Variants in APC observed in about 807,000 individuals in gnomAD.
APC encodes the protein APC regulator of Wnt signaling pathway, also known as adenomatous polyposis coli protein.
A neutral mutation model predicts 247.0 loss-of-function variants in APC; 72 were observed. That is an observed-to-expected ratio of 0.29 (90% CI 0.24 to 0.35). The LOEUF (loss-of-function observed/expected upper bound fraction) is 0.35. Ranked by LOEUF, APC falls within the 10% of genes least tolerant of loss-of-function variation. The pLI, the probability that APC is intolerant of heterozygous loss-of-function variation, is 1.00. For missense variants in APC, 3,400 were observed against 3,360.7 expected (o/e 1.01, Z -0.29); for synonymous variants, 1,254 against 1,162.5 (o/e 1.08, Z -1.60).
At chr5:112,719,595 C>T (rs1032911470) in intron 1 of APC, among the ~76,000 whole-genome samples, 5 of 148,576 alleles carry the variant, frequency 3.4e-5, no homozygotes, top group Non-Finnish European at 7.4e-5. Context: ...GCTGGAGTGG[C>T]GTGATCTCCA....
chr5:112,734,225 A>G (rs1752249263), upstream of APC, among the ~76,000 whole-genome samples: 1 of 152,174 alleles, frequency 6.6e-6, no homozygotes, highest in Non-Finnish European at 1.5e-5. Context: ...GTGGATGGAT[A>G]GACAGACAGA....
At chr5:112,778,158 AT>A in intron 5 of APC, 3 of 210,208 alleles carry the variant, frequency 1.4e-5, no homozygotes, top group East Asian at 1.2e-4. Context: ...TTTGTTTCCT[AT>A]TTTTTGCAAT....
At chr5:112,731,316 A>G (rs1305395662) in intron 1 of APC, among the ~76,000 whole-genome samples, 1 of 152,174 alleles carries the variant, frequency 6.6e-6, no homozygotes, top group Non-Finnish European at 1.5e-5. Flanking sequence ...GAGACTGGGT[A>G]ATTTATAATG....
rs1766693791 is a variant in APC at position 112,843,848 on chromosome 5, A to G, written c.8254A>G (p.Asn2752Asp). 6.2e-7 allele frequency: 1 copy of G among 1,614,062 alleles called. No individual in the cohort carries two copies. The change falls in exon 16 of 16, where the codon AAT becomes GAT. Residue 2752 changes from asparagine (N) to aspartate (D), a missense_variant. Physicochemically the swap from Asn to Asp is conservative, Grantham distance 23. Transcript: ENST00000257430. The surrounding 1 kb of genome is among the most constrained non-coding windows in gnomAD (Gnocchi z 4.8). ...TAATCCTGTCCCTGTATCAGAGACT[A>G]ATGAAAGTTCTATAGTGGAACGTAC... ...QNNPVPVSETNESSIVERTPF... is the reference protein window; with the variant it reads ...QNNPVPVSETDESSIVERTPF...
chr5:112,708,554 T>C (rs1750666728), intron 1 of APC, among the ~76,000 whole-genome samples: 1 of 152,354 alleles, frequency 6.6e-6, no homozygotes, highest in East Asian at 1.9e-4. Context: ...GAAACTGTTA[T>C]ATTCGTTTTA....
intron 2 of APC, among the ~76,000 whole-genome samples, chr5:112,758,577 G>C (rs1173105060): frequency 6.6e-6 from 1 of 151,858 alleles, no homozygotes; most frequent in African/African-American, 2.4e-5. Context: ...CACCGCCTCG[G>C]CCTCCCAAAG....
At chr5:112,768,743 G>A (rs1229817267) in intron 4 of APC, among the ~76,000 whole-genome samples, 4 of 150,742 alleles carry the variant, frequency 2.7e-5, no homozygotes, top group Non-Finnish European at 5.9e-5. Context: ...GCCCTGTACA[G>A]TAGCGTAGAA....
chr5:112,708,326 G>T (rs1478693510), intron 1 of APC, among the ~76,000 whole-genome samples: 1 of 152,206 alleles, frequency 6.6e-6, no homozygotes, highest in Non-Finnish European at 1.5e-5. Context: ...TCCAAAGGCC[G>T]GTGAATTTTG....
At chr5:112,710,532 T>A (rs1321239769) in intron 1 of APC, among the ~76,000 whole-genome samples, 1 of 152,224 alleles carries the variant, frequency 6.6e-6, no homozygotes, top group East Asian at 1.9e-4. Flanking sequence ...CCTGTCCACC[T>A]TCTTCAGCCT....
rs1561584350 is a variant in APC at position 112,838,970 on chromosome 5, A to T, written c.3376A>T (p.Ser1126Cys). Residue 1126 changes from serine to cysteine, a missense_variant, in exon 16 of 16, where the codon AGC becomes TGC. Around this residue, in one of 9 missense-constraint regions of APC, gnomAD observed 715 missense variants for 656.6 expected, o/e 1.09. Coordinates refer to ENST00000257430, the MANE Select transcript of APC (RefSeq NM_000038.6). ...GSNHGINQNV[S>C]QSLCQEDDYE... ...TAATCATGGAATTAATCAAAATGTAAGCCAGTCTTTGTGTCAAGAAGATGA... is the reference window on the plus strand; with the variant it reads ...TAATCATGGAATTAATCAAAATGTATGCCAGTCTTTGTGTCAAGAAGATGA... 1.2e-6 allele frequency: 2 copies of T among 1,614,170 alleles called. No homozygotes were observed. Among genetic ancestry groups the T allele is most frequent in the Non-Finnish European group, 1.7e-6 (2 of 1,180,034 alleles).
rs879254221 is a variant in APC at position 112,842,711 on chromosome 5, A to G, written c.7117A>G (p.Met2373Val). ...KMSYTSPGRQ[M>V]SQQNLTKQTG... Reference sequence around the variant, plus strand: ...GTCATATACATCTCCAGGTAGACAGATGAGCCAACAGAACCTTACCAAACA... The same window carrying G: ...GTCATATACATCTCCAGGTAGACAGGTGAGCCAACAGAACCTTACCAAACA... Residue 2373 changes from methionine (M) to valine (V), a missense_variant, in exon 16 of 16, where the codon ATG (methionine) becomes GTG (valine). This residue lies in a region of APC where 1,788 missense variants were observed against 1,649.5 expected (regional missense o/e 1.08). Coordinates refer to ENST00000257430, the MANE Select transcript of APC (RefSeq NM_000038.6). 6.2e-7 allele frequency: 1 copy of G among 1,613,826 alleles called. No individual in the cohort carries two copies. Among genetic ancestry groups the G allele is most frequent in the African/African-American group, 1.3e-5 (1 of 75,044 alleles).
chr5:112,716,131 G>A (rs1661035), intron 1 of APC, among the ~76,000 whole-genome samples: 1 of 151,812 alleles, frequency 6.6e-6, no homozygotes, highest in African/African-American at 2.4e-5. Flanking sequence ...TTCCTTCCCT[G>A]CTGCTTTTTG....
chr5:112,740,015 A>C (rs1221320066), intron 1 of APC, among the ~76,000 whole-genome samples: 1 of 152,170 alleles, frequency 6.6e-6, no homozygotes, highest in East Asian at 1.9e-4. Flanking sequence ...TTTTATTCTA[A>C]TTCTATAAAA....
At chr5:112,818,862 T>G in intron 9 of APC, 104 bp from the exon 10 acceptor site, 1 of 1,283,104 alleles carries the variant, frequency 7.8e-7, no homozygotes, top group South Asian at 1.3e-5. Flanking sequence ...GGGGTTGTTT[T>G]GTTTTTTTAG....
At chr5:112,794,903 C>T (rs921194123) in intron 7 of APC, among the ~76,000 whole-genome samples, 6 of 152,218 alleles carry the variant, frequency 3.9e-5, no homozygotes, top group African/African-American at 1.4e-4. Context: ...CAAGAATGGC[C>T]AAATGAAGAG....
chr5:112,844,265 AG>A lies in APC; in HGVS notation c.*140del. ...CTTGTTAGAGGGTTTTTGTTCTGGA[AG>A]CCATATTTGATAGTATACTTTGTCT... On this transcript the variant is annotated 3_prime_UTR_variant, in exon 16 of 16. Transcript: ENST00000257430. The A allele has an allele frequency of 1.2e-6, 1 of 820,272 alleles. No individual in the cohort carries two copies. The highest frequency in any genetic ancestry group is 1.9e-6 in the Non-Finnish European group (1 of 530,452). 50.8% of individuals were successfully genotyped at this position (820,272 alleles called of 1,614,324 possible).
At position 112,747,956 on chromosome 5, in the gene APC, T is replaced by C. The variant is rs188768054; in HGVS notation, c.-18-6917T>C. 1.5e-3 allele frequency among the ~76,000 whole-genome samples: 223 copies of C among 152,348 alleles called. 1 individual carries two copies. The highest frequency in any genetic ancestry group is 5.1e-3 in the African/African-American group (213 of 41,580). Reference sequence around the variant, plus strand: ...CCACCTGTTTTTGTAAATTAAGTTTTATTAGAGCATGGGCATGCCCATCTA... The same window carrying C: ...CCACCTGTTTTTGTAAATTAAGTTTCATTAGAGCATGGGCATGCCCATCTA... On this transcript the variant is annotated intron_variant, in intron 1 of 15. Transcript: ENST00000257430.
chr5:112,802,385 G>GT (rs1189217393), intron 8 of APC, among the ~76,000 whole-genome samples: 1 of 152,026 alleles, frequency 6.6e-6, no homozygotes, highest in Non-Finnish European at 1.5e-5. Flanking sequence ...TTTGAGTTAT[G>GT]TATCTGTCTT....
intron 9 of APC, among the ~76,000 whole-genome samples, chr5:112,818,524 G>A (rs566390003): frequency 6.6e-6 from 1 of 152,158 alleles, no homozygotes; most frequent in South Asian, 2.1e-4. Flanking sequence ...AATGTTTTCT[G>A]TTTATTGCTT....
Sources: gnomAD v4.1 joint callset for allele counts (sites outside exome capture counted in the v4.1 genomes callset) on GRCh38, gnomAD v4.1.1 for gene constraint, gnomAD v4.1.1 regional missense constraint, Gnocchi (gnomAD v3.1) non-coding constraint, MANE v1.5 for transcripts, NCBI Gene and HGNC (gene_info 2026-07-23, HGNC 2026-07-21) for gene names.